FER: variants seen among roughly 807,000 people sequenced by gnomAD.
The protein encoded by FER is tyrosine-protein kinase Fer.
A neutral mutation model predicts 111.0 loss-of-function variants in FER; 63 were observed. The observed-to-expected ratio is 0.57, with a 90% CI of 0.46 to 0.70. FER has a LOEUF of 0.70. Ranked by LOEUF, FER falls within the 30% of genes least tolerant of loss-of-function variation. FER has a pLI of 0.00. For synonymous variants in FER, 327 were observed against 313.9 expected (o/e 1.04, Z -0.44); for missense variants, 914 against 954.0 (o/e 0.96, Z 0.55).
At chr5:108,772,109 G>C (rs1313275842) in intron 2 of FER, among the ~76,000 whole-genome samples, 2 of 152,054 alleles carry the variant, frequency 1.3e-5, no homozygotes, top group African/African-American at 2.4e-5. Context: ...GGGGAATGCA[G>C]CTCTCTGCAG....
Position 108,832,886 on chromosome 5 carries a change from G to A in FER, c.324G>A (p.Gln108=). The A allele has an allele frequency of 6.2e-7, 1 of 1,606,806 alleles. No homozygotes were observed. Among genetic ancestry groups the A allele is most frequent in the South Asian group, 1.1e-5 (1 of 90,026 alleles). ...TCACCATGATGATTAAGGACAAGCAGCAGGTGAAGAAAAGTTACATAGGTG... is the reference window on the plus strand; with the variant it reads ...TCACCATGATGATTAAGGACAAGCAACAGGTGAAGAAAAGTTACATAGGTG... ...HRLTMMIKDK[Q]QVKKSYIGVH... is the part of the protein sequence containing the mutation. Residue 108 remains glutamine (Q), a synonymous_variant, in exon 4 of 20, where the codon CAG becomes CAA. Transcript: ENST00000281092.
At chr5:109,174,819 C>A (rs1019780894) in intron 17 of FER, among the ~76,000 whole-genome samples, 1 of 152,156 alleles carries the variant, frequency 6.6e-6, no homozygotes, top group African/African-American at 2.4e-5. Flanking sequence ...TGATTACATT[C>A]TGAAAGAGAA....
At chr5:109,149,918 G>A (rs533592308) in intron 17 of FER, among the ~76,000 whole-genome samples, 2 of 152,178 alleles carry the variant, frequency 1.3e-5, no homozygotes, top group East Asian at 1.9e-4. Context: ...GAGCATTACC[G>A]CCTGAGCTCC....
intron 16 of FER, among the ~76,000 whole-genome samples, chr5:109,047,570 CACA>C (rs1470540850): frequency 6.6e-6 from 1 of 152,140 alleles, no homozygotes; most frequent in East Asian, 1.9e-4. Context: ...TACATCTCCA[CACA>C]ACCTCTCTTC....
intron 16 of FER, among the ~76,000 whole-genome samples, chr5:109,067,412 TTTTG>T (rs1414699753): frequency 2.0e-5 from 3 of 152,156 alleles, no homozygotes; most frequent in Non-Finnish European, 4.4e-5. Context: ...TTGTTGTTAT[TTTTG>T]TTTGTTTAGT....
At chr5:109,023,782 G>A (rs933594563) in intron 13 of FER, among the ~76,000 whole-genome samples, 2 of 151,840 alleles carry the variant, frequency 1.3e-5, no homozygotes, top group Non-Finnish European at 2.9e-5. Flanking sequence ...TAGATATTCA[G>A]TAAATACTTG....
At chr5:109,062,204 G>A (rs901433029) in intron 16 of FER, among the ~76,000 whole-genome samples, 2 of 152,138 alleles carry the variant, frequency 1.3e-5, no homozygotes, top group African/African-American at 4.8e-5. Context: ...ACTTTTAAAA[G>A]TGACAAGCTA....
chr5:109,185,415 G>C (rs1391496544), intron 18 of FER, among the ~76,000 whole-genome samples: 1 of 152,186 alleles, frequency 6.6e-6, no homozygotes, highest in Non-Finnish European at 1.5e-5. Flanking sequence ...ACAGCAATGA[G>C]TGAAAAAATG....
At chr5:108,782,027 G>C (rs1473870141) in intron 2 of FER, among the ~76,000 whole-genome samples, 1 of 151,878 alleles carries the variant, frequency 6.6e-6, no homozygotes, top group Admixed American at 6.6e-5. Context: ...GAGTCCCCCT[G>C]GCTTTTTAAG....
chr5:109,073,672 TC>T (rs941475783), intron 16 of FER, among the ~76,000 whole-genome samples: 4 of 152,236 alleles, frequency 2.6e-5, no homozygotes, highest in African/African-American at 9.6e-5. Context: ...ATTACACTTT[TC>T]CCTTCGTAAA....
At chr5:109,033,029 A>G (rs1769862427) in intron 13 of FER, among the ~76,000 whole-genome samples, 1 of 152,194 alleles carries the variant, frequency 6.6e-6, no homozygotes, top group Non-Finnish European at 1.5e-5. Flanking sequence ...TTGCAAGCAA[A>G]TGAAATGTTA....
chr5:108,753,939 G>T (rs553872322), intron 1 of FER, among the ~76,000 whole-genome samples: 1 of 151,980 alleles, frequency 6.6e-6, no homozygotes, highest in Non-Finnish European at 1.5e-5. Flanking sequence ...ATTTTTTCCC[G>T]TCCAGGTACA....
At chr5:108,850,589 G>T (rs1476473563) in intron 5 of FER, among the ~76,000 whole-genome samples, 1 of 151,938 alleles carries the variant, frequency 6.6e-6, no homozygotes, top group East Asian at 1.9e-4. Flanking sequence ...TTTTAAGTTG[G>T]AATACTATTT....
intron 17 of FER, among the ~76,000 whole-genome samples, chr5:109,126,693 C>T (rs574090335): frequency 7.9e-5 from 12 of 152,120 alleles, no homozygotes; most frequent in Non-Finnish European, 1.6e-4. Flanking sequence ...CCAAGTATCA[C>T]ACTAGGTACT....
At chr5:109,104,174 A>T (rs1247448050) in intron 17 of FER, among the ~76,000 whole-genome samples, 1 of 152,200 alleles carries the variant, frequency 6.6e-6, no homozygotes, top group Non-Finnish European at 1.5e-5. Context: ...TTTGTTTATC[A>T]TGGAGTAAGC....
At chr5:108,883,611 T>C in intron 9 of FER, 93 bp downstream of exon 9, 1 of 1,117,120 alleles carries the variant, frequency 9.0e-7, no homozygotes, top group Non-Finnish European at 1.2e-6. Flanking sequence ...CTAACATTTC[T>C]AGAAACAGAA....
At chr5:108,925,835 A>T (rs1427733648) in intron 10 of FER, among the ~76,000 whole-genome samples, 1 of 152,020 alleles carries the variant, frequency 6.6e-6, no homozygotes, top group Non-Finnish European at 1.5e-5. Flanking sequence ...AGTTTTGCTT[A>T]TCTGGTTTAT....
intron 4 of FER, among the ~76,000 whole-genome samples, chr5:108,835,472 C>T (rs571305728): frequency 3.9e-5 from 6 of 152,108 alleles, no homozygotes; most frequent in Non-Finnish European, 7.4e-5. Context: ...CGTGAGCCAC[C>T]GTGCCTGGCC....
chr5:108,846,190 T>A (rs1424455618), intron 5 of FER, among the ~76,000 whole-genome samples: 1 of 152,220 alleles, frequency 6.6e-6, no homozygotes, highest in Non-Finnish European at 1.5e-5. Flanking sequence ...ATTGGTAGAC[T>A]TTGCTTGTGA....
Sources: allele counts gnomAD v4.1 joint callset (sites outside exome capture counted in the v4.1 genomes callset), GRCh38; gene constraint gnomAD v4.1.1; transcripts MANE v1.5; gene names NCBI Gene and HGNC (gene_info 2026-07-23, HGNC 2026-07-21).